IL1RAPL1: variants seen among roughly 807,000 people sequenced by gnomAD.
IL1RAPL1 encodes the protein interleukin-1 receptor accessory protein-like 1.
A neutral mutation model predicts 48.4 loss-of-function variants in IL1RAPL1; 3 were observed. That is an observed-to-expected ratio of 0.06 (90% CI 0.03 to 0.16). The LOEUF (loss-of-function observed/expected upper bound fraction) is 0.16, where lower values mean the gene tolerates loss of function less well. Ranked by LOEUF, IL1RAPL1 falls within the 10% of genes least tolerant of loss-of-function variation. IL1RAPL1 has a pLI of 1.00. For missense variants in IL1RAPL1, 349 were observed against 530.6 expected, an observed-to-expected ratio of 0.66 and a Z score of 3.36; for synonymous variants, 185 against 187.7, an observed-to-expected ratio of 0.99 and a Z score of 0.12.
At chrX:29,626,351 G>T (rs1430596646) in intron 5 of IL1RAPL1, among the ~76,000 whole-genome samples, 2 of 112,281 alleles carry the variant, frequency 1.8e-5, no homozygotes, top group East Asian at 2.8e-4. Context: ...GCATGCTCAT[G>T]TTTCTGGTAA....
intron 3 of IL1RAPL1, among the ~76,000 whole-genome samples, chrX:29,313,862 A>C (rs1932757197): frequency 8.9e-6 from 1 of 112,164 alleles, no homozygotes; most frequent in South Asian, 3.7e-4. Flanking sequence ...ATATCAATGC[A>C]CATTTAAAAT....
intron 5 of IL1RAPL1, among the ~76,000 whole-genome samples, chrX:29,513,773 A>G (rs1157527308): frequency 8.9e-6 from 1 of 112,038 alleles, no homozygotes; most frequent in Non-Finnish European, 1.9e-5. Flanking sequence ...AGCTGGAACT[A>G]TTTATCAGTG....
At chrX:29,535,134 C>CAA (rs35842937) in intron 5 of IL1RAPL1, among the ~76,000 whole-genome samples, 8,807 of 22,582 alleles carry the variant, frequency 0.39, 2,337 homozygotes, top group East Asian at 0.66. Flanking sequence ...ACTCTGTCTC[C>CAA]AAAAAAAAAA....
intron 1 of IL1RAPL1, among the ~76,000 whole-genome samples, chrX:28,638,325 A>G (rs1934490804): frequency 9.0e-6 from 1 of 111,471 alleles, no homozygotes; most frequent in Non-Finnish European, 1.9e-5. Flanking sequence ...TAAAATGGGC[A>G]AGAAGAGTAG....
chrX:28,853,892 G>A (rs1921736371), intron 2 of IL1RAPL1, among the ~76,000 whole-genome samples: 1 of 111,726 alleles, frequency 9.0e-6, no homozygotes. Context: ...CTGTGGTTAT[G>A]AGGAAAGTTT....
intron 6 of IL1RAPL1, among the ~76,000 whole-genome samples, chrX:29,739,553 T>C (rs1928141437): frequency 8.9e-6 from 1 of 111,736 alleles, no homozygotes; most frequent in African/African-American, 3.3e-5. Context: ...ATTCATGAGT[T>C]GCCATAAAAA....
At chrX:29,783,452 A>C (rs1024931209) in intron 6 of IL1RAPL1, among the ~76,000 whole-genome samples, 1 of 111,296 alleles carries the variant, frequency 9.0e-6, no homozygotes, top group African/African-American at 3.3e-5. Flanking sequence ...ATGGGAAGGA[A>C]TCAGAAGATA....
At chrX:28,669,456 T>G (rs2146913491) in intron 1 of IL1RAPL1, among the ~76,000 whole-genome samples, 1 of 108,099 alleles carries the variant, frequency 9.3e-6, no homozygotes, top group African/African-American at 3.4e-5. Flanking sequence ...GTGTTTCTAC[T>G]AAAAATAAAA....
chrX:29,252,113 T>G (rs1931635240), intron 2 of IL1RAPL1, among the ~76,000 whole-genome samples: 2 of 97,670 alleles, frequency 2.0e-5, no homozygotes, highest in Non-Finnish European at 2.0e-5. Flanking sequence ...TGGGGACTGT[T>G]GTGGGGTAAG....
intron 5 of IL1RAPL1, among the ~76,000 whole-genome samples, chrX:29,535,758 C>T (rs1198432183): frequency 8.9e-6 from 1 of 111,927 alleles, no homozygotes; most frequent in African/African-American, 3.2e-5. Flanking sequence ...AAGGTAAAAA[C>T]AAGAACAGTA....
At chrX:29,211,001 G>A (rs1341093512) in intron 2 of IL1RAPL1, among the ~76,000 whole-genome samples, 1 of 111,183 alleles carries the variant, frequency 9.0e-6, no homozygotes, top group East Asian at 2.8e-4. Flanking sequence ...GAATAAAAAC[G>A]GAGAGTGACA....
intron 5 of IL1RAPL1, among the ~76,000 whole-genome samples, chrX:29,630,347 T>A (rs1334459636): frequency 9.0e-6 from 1 of 111,690 alleles, no homozygotes; most frequent in Non-Finnish European, 1.9e-5. Flanking sequence ...ATCATAGCAA[T>A]GACTATATAG....
At chrX:28,827,875 T>C (rs1194811440) in intron 2 of IL1RAPL1, among the ~76,000 whole-genome samples, 1 of 111,930 alleles carries the variant, frequency 8.9e-6, no homozygotes, top group African/African-American at 3.2e-5. Context: ...ACTTTTCACC[T>C]GCGGTATTAT....
At chrX:29,434,105 TA>T (rs199756750) in intron 5 of IL1RAPL1, among the ~76,000 whole-genome samples, 4,353 of 109,912 alleles carry the variant, frequency 0.04, 247 homozygotes, top group African/African-American at 0.14. Context: ...GGTATTTTTT[TA>T]AAAAATTAAA....
chrX:29,617,880 T>A (rs1402688706), intron 5 of IL1RAPL1, among the ~76,000 whole-genome samples: 2 of 111,843 alleles, frequency 1.8e-5, no homozygotes, highest in Non-Finnish European at 3.8e-5. Flanking sequence ...CATTGAGATT[T>A]GATGGAAAGA....
At chrX:29,517,396 G>T (rs1009674117) in intron 5 of IL1RAPL1, among the ~76,000 whole-genome samples, 1 of 108,257 alleles carries the variant, frequency 9.2e-6, no homozygotes, top group African/African-American at 3.4e-5. Flanking sequence ...TTCAGCTATC[G>T]ACCTAAACAT....
intron 6 of IL1RAPL1, among the ~76,000 whole-genome samples, chrX:29,672,535 C>G (rs1926167716): frequency 9.0e-6 from 1 of 111,301 alleles, no homozygotes; most frequent in African/African-American, 3.3e-5. Flanking sequence ...AGGTAAATGT[C>G]TACCCTTGAG....
At chrX:29,263,906 C>CT (rs1287821928) in intron 2 of IL1RAPL1, among the ~76,000 whole-genome samples, 1 of 94,975 alleles carries the variant, frequency 1.1e-5, no homozygotes, top group East Asian at 4.1e-4. Flanking sequence ...ATGTACACTT[C>CT]TTTTTTTAAA....
At chrX:29,417,827 T>G (rs1159372114) in intron 5 of IL1RAPL1, among the ~76,000 whole-genome samples, 1 of 110,269 alleles carries the variant, frequency 9.1e-6, no homozygotes, top group Non-Finnish European at 1.9e-5. Context: ...TATGTTCTGT[T>G]TACATACTGC....
Sources: allele counts gnomAD v4.1 joint callset (sites outside exome capture counted in the v4.1 genomes callset), GRCh38; gene constraint gnomAD v4.1.1; transcripts MANE v1.5; gene names NCBI Gene and HGNC (gene_info 2026-07-23, HGNC 2026-07-21).